CHIC1: variants seen among roughly 807,000 people sequenced by gnomAD.
CHIC1 encodes the protein cysteine-rich hydrophobic domain-containing protein 1.
A neutral mutation model predicts 18.5 loss-of-function variants in CHIC1; 7 were observed. The ratio of observed to expected loss-of-function variants is 0.38; its 90% confidence interval spans 0.22 to 0.71. CHIC1 has a LOEUF of 0.71. Ranked by LOEUF, CHIC1 falls within the 30% of genes least tolerant of loss-of-function variation. The probability of loss-of-function intolerance (pLI) is 0.49; values close to 1 mark genes in which losing one functional copy is unlikely to be tolerated. For missense variants in CHIC1, 159 were observed against 176.9 expected (o/e 0.90, Z 0.57); for synonymous variants, 77 against 73.5 (o/e 1.05, Z -0.25).
chrX:73,668,934 T>C (rs1262358626), intron 3 of CHIC1, among the ~76,000 whole-genome samples: 2 of 112,726 alleles, frequency 1.8e-5, no homozygotes, highest in African/African-American at 6.4e-5. Flanking sequence ...GCCCACAGGC[T>C]AGACCAGCTG....
chrX:73,655,325 CACTA>C (rs2057937167), intron 3 of CHIC1, among the ~76,000 whole-genome samples: 1 of 103,188 alleles, frequency 9.7e-6, no homozygotes, highest in East Asian at 3.0e-4. Flanking sequence ...TATACACACA[CACTA>C]TATACACTAT....
At chrX:73,669,511 CCACCA>C (rs1176897027) in intron 3 of CHIC1, among the ~76,000 whole-genome samples, 1 of 109,676 alleles carries the variant, frequency 9.1e-6, no homozygotes, top group Non-Finnish European at 1.9e-5. Context: ...TGCCCACCCC[CCACCA>C]CACTATGTCT....
In CHIC1 at chrX:73,683,798, G is replaced by T. The variant is rs2058109360; in HGVS notation, c.*2793G>T. The T allele has an allele frequency of 9.0e-6, 1 of 111,362 alleles. No individual in the cohort carries two copies. The highest frequency in any genetic ancestry group is 3.7e-4 in the South Asian group (1 of 2,674). 9.2% of individuals were successfully genotyped at this position (111,362 alleles called of 1,213,427 possible). The stretch of plus-strand genomic sequence containing the variant: ...CTGGCTTCATAAATTTGTCCAACTG[G>T]CTATTTTTAAGCTTGTCCTAAAAGC... On this transcript the variant is annotated 3_prime_UTR_variant, in exon 6 of 6. Transcript: ENST00000373502.
At chrX:73,563,632 G>A (rs2057430073) in intron 1 of CHIC1, 52 bp downstream of exon 1, 10 of 1,008,942 alleles carry the variant, frequency 9.9e-6, no homozygotes, top group South Asian at 3.6e-5. Context: ...TGGCAACAGA[G>A]GAATGAGAAG....
chrX:73,571,570 G>A (rs755349961), intron 1 of CHIC1, among the ~76,000 whole-genome samples: 79 of 111,228 alleles, frequency 7.1e-4, no homozygotes, highest in African/African-American at 2.3e-3. Context: ...AAAAATTCAT[G>A]CATAGTGGTG....
intron 3 of CHIC1, among the ~76,000 whole-genome samples, chrX:73,625,567 GA>G (rs2057779777): frequency 1.8e-5 from 2 of 110,586 alleles, no homozygotes; most frequent in South Asian, 3.9e-4. Context: ...CCCCTTTAGG[GA>G]AAAAAAAGCT....
rs747876113 is a variant in CHIC1, at chrX:73,608,921, G to A, written c.507+24349G>A. ...AATCCCAGCACTTTGGGAGGCAGAG[G>A]TGGGTGGATCACCTGAGTTCAGGAG... On this transcript the variant is annotated intron_variant, in intron 3 of 5. Coordinates refer to ENST00000373502, the MANE Select transcript of CHIC1 (RefSeq NM_001039840.4). Among the ~76,000 whole-genome samples the A allele has an allele frequency of 2.8e-5, 3 of 107,572 alleles. No individual in the cohort carries two copies. In the East Asian group the frequency reaches 8.5e-4, roughly 31 times the overall value. 93.4% of individuals were successfully genotyped at this position (107,572 alleles called of 115,157 possible). A position where few individuals can be genotyped will look rare whatever the true frequency, so the allele number is the denominator to read the frequency against.
At chrX:73,594,481 G>T (rs2057597612) in intron 3 of CHIC1, among the ~76,000 whole-genome samples, 1 of 111,648 alleles carries the variant, frequency 9.0e-6, no homozygotes, top group Non-Finnish European at 1.9e-5. Context: ...TTCTGCATTG[G>T]ATTTCATAGG....
At chrX:73,618,810 A>C (rs1376757137) in intron 3 of CHIC1, among the ~76,000 whole-genome samples, 1 of 112,486 alleles carries the variant, frequency 8.9e-6, no homozygotes, top group Non-Finnish European at 1.9e-5. Context: ...ATTTCTGTCC[A>C]AGAAAATTCA....
intron 3 of CHIC1, among the ~76,000 whole-genome samples, chrX:73,630,127 A>G (rs1171611747): frequency 3.6e-5 from 4 of 111,935 alleles, no homozygotes; most frequent in Non-Finnish European, 7.5e-5. Flanking sequence ...TACTGAATTC[A>G]TTTTACAGTG....
chrX:73,658,248 G>GTTT (rs869309622), intron 3 of CHIC1, among the ~76,000 whole-genome samples: 1,329 of 16,713 alleles, frequency 0.08, 422 homozygotes, highest in Middle Eastern at 0.5. Context: ...CTGGTCCTAG[G>GTTT]TTTTTTTTTT....
At chrX:73,569,686 A>G (rs916001856) in intron 1 of CHIC1, among the ~76,000 whole-genome samples, 13 of 111,293 alleles carry the variant, frequency 1.2e-4, no homozygotes, top group African/African-American at 3.9e-4. Flanking sequence ...CCATTTCAAC[A>G]TTTTCCTAGT....
intron 3 of CHIC1, among the ~76,000 whole-genome samples, chrX:73,611,086 T>C (rs1287926686): frequency 7.4e-5 from 8 of 107,694 alleles, no homozygotes; most frequent in Non-Finnish European, 1.1e-4. Flanking sequence ...TAGTTACATA[T>C]GTACACATGT....
chrX:73,586,402 G>A (rs1053554986), intron 3 of CHIC1, among the ~76,000 whole-genome samples: 1 of 111,411 alleles, frequency 9.0e-6, no homozygotes, highest in African/African-American at 3.2e-5. Flanking sequence ...GTAGCCTCAA[G>A]TTTTCTCACC....
intron 3 of CHIC1, among the ~76,000 whole-genome samples, chrX:73,626,654 T>G: frequency 9.0e-6 from 1 of 111,012 alleles, no homozygotes; most frequent in Non-Finnish European, 1.9e-5. Flanking sequence ...AATAATTATT[T>G]CAATCTCTTT....
chrX:73,650,701 CAA>C (rs139432536), intron 3 of CHIC1, among the ~76,000 whole-genome samples: 3,706 of 64,785 alleles, frequency 0.057, 85 homozygotes, highest in Middle Eastern at 0.077. Context: ...GCCTACCAAC[CAA>C]AAAAAAAAAA....
At chrX:73,599,800 T>C (rs1329921618) in intron 3 of CHIC1, among the ~76,000 whole-genome samples, 6 of 107,705 alleles carry the variant, frequency 5.6e-5, no homozygotes, top group Admixed American at 2.0e-4. Flanking sequence ...GGCTTAGGAG[T>C]GACTTGGCAA....
chrX:73,660,639 G>C (rs979082698), intron 3 of CHIC1, among the ~76,000 whole-genome samples: 9 of 111,424 alleles, frequency 8.1e-5, no homozygotes, highest in Non-Finnish European at 1.5e-4. Flanking sequence ...TCCAGGGCTT[G>C]TGTCGTCCAA....
chrX:73,611,602 T>A (rs1358486825), intron 3 of CHIC1, among the ~76,000 whole-genome samples: 2 of 108,024 alleles, frequency 1.9e-5, no homozygotes, highest in African/African-American at 3.6e-5. Context: ...CACACTGACT[T>A]CCACAATGGT....
Sources: gnomAD v4.1 joint callset for allele counts (sites outside exome capture counted in the v4.1 genomes callset) on GRCh38, gnomAD v4.1.1 for gene constraint, MANE v1.5 for transcripts, NCBI Gene and HGNC (gene_info 2026-07-23, HGNC 2026-07-21) for gene names.